Variants in SCN9A observed in about 807,000 individuals in gnomAD.
SCN9A encodes the protein sodium channel protein type 9 subunit alpha.
In SCN9A, 131 loss-of-function variants were observed where a neutral mutation model predicts 187.0. That is an observed-to-expected ratio of 0.70 (90% CI 0.61 to 0.81). SCN9A has a LOEUF of 0.81. SCN9A is among the 30% of genes least tolerant of loss of function. The pLI, the probability that SCN9A is intolerant of heterozygous loss-of-function variation, is 0.00. For synonymous variants in SCN9A, 809 were observed against 808.6 expected (o/e 1.00, Z -0.01); for missense variants, 2,252 against 2,396.6 (o/e 0.94, Z 1.26).
At chr2:166,278,628 G>T (rs1697343109) in intron 14 of SCN9A, among the ~76,000 whole-genome samples, 1 of 152,022 alleles carries the variant, frequency 6.6e-6, no homozygotes, top group Non-Finnish European at 1.5e-5. Context: ...TATTTTCAAA[G>T]AATTTATGTG....
intron 17 of SCN9A, chr2:166,259,097 A>C (rs376901014): frequency 3.2e-4 from 49 of 151,900 alleles, no homozygotes; most frequent in African/African-American, 1.1e-3. Flanking sequence ...TCTATTGAAC[A>C]ACTGTATATG....
chr2:166,342,073 A>G (rs187483230), intron 1 of SCN9A, among the ~76,000 whole-genome samples: 4 of 152,294 alleles, frequency 2.6e-5, no homozygotes, highest in East Asian at 1.9e-4. Context: ...TATGTATACT[A>G]TGTTGTTCCC....
chr2:166,208,771 TA>T (rs1205903905), intron 24 of SCN9A, among the ~76,000 whole-genome samples: 2 of 152,324 alleles, frequency 1.3e-5, no homozygotes, highest in African/African-American at 4.8e-5. Context: ...TTATTGAAGT[TA>T]AAAAGCAGTA....
chr2:166,206,029 G>C (rs1318633782), intron 24 of SCN9A, among the ~76,000 whole-genome samples: 1 of 152,180 alleles, frequency 6.6e-6, no homozygotes, highest in Non-Finnish European at 1.5e-5. Context: ...TGTTGGAGAG[G>C]ATGTGGAGAA....
intron 19 of SCN9A, among the ~76,000 whole-genome samples, chr2:166,240,327 G>A (rs755857558): frequency 4.8e-5 from 7 of 146,832 alleles, no homozygotes; most frequent in East Asian, 1.9e-4. Flanking sequence ...AGGTAAACAC[G>A]TGTCATGGGG....
chr2:166,294,474 A>G, intron 8 of SCN9A, 125 bp downstream of exon 8: 1 of 632,330 alleles, frequency 1.6e-6, no homozygotes, highest in Non-Finnish European at 2.7e-6. Context: ...GGACAGAATG[A>G]GTCAAATAAT....
chr2:166,280,510 C>G lies in SCN9A; in HGVS notation c.2190G>C (p.Trp730Cys), dbSNP rs202055175. Reference sequence around the variant, plus strand: ...AATAGATACACTTTTTGAATTTTATCCAATATGGAGAGCAATTCCAGATCA... The same window carrying G: ...AATAGATACACTTTTTGAATTTTATGCAATATGGAGAGCAATTCCAGATCA... ...KFLIWNCSPY[W>C]IKFKKCIYFI... The change falls in exon 14 of 27, where the codon TGG becomes TGC. Residue 730 changes from tryptophan to cysteine, a missense_variant. Trp to Cys is a radical substitution (Grantham distance 215). Around this residue, in one of 7 missense-constraint regions of SCN9A, gnomAD observed 1,013 missense variants for 997.4 expected, o/e 1.02. Transcript: ENST00000642356. 5.4e-4 allele frequency: 859 copies of G among 1,589,184 alleles called. 5 individuals carry two copies. In the African/African-American group the frequency reaches 0.01, roughly 19 times the overall value.
chr2:166,204,294 G>A, intron 25 of SCN9A, 66 bp downstream of exon 25: 3 of 1,554,372 alleles, frequency 1.9e-6, no homozygotes, highest in Non-Finnish European at 2.6e-6. Context: ...AATTAAAGAT[G>A]TGCATTAAAA....
intron 7 of SCN9A, among the ~76,000 whole-genome samples, chr2:166,297,206 A>C (rs1574890573): frequency 9.9e-6 from 1 of 101,490 alleles, no homozygotes; most frequent in East Asian, 4.5e-4. Flanking sequence ...CAAAAAAAAA[A>C]AAAAAAAAAA....
At chr2:166,307,278 C>A (rs1178891917) in intron 2 of SCN9A, among the ~76,000 whole-genome samples, 1 of 152,156 alleles carries the variant, frequency 6.6e-6, no homozygotes, top group African/African-American at 2.4e-5. Context: ...TTCATAGTAA[C>A]TTTAAAAATT....
intron 18 of SCN9A, among the ~76,000 whole-genome samples, chr2:166,251,300 TA>T (rs773764186): frequency 9.2e-5 from 14 of 152,182 alleles, no homozygotes; most frequent in African/African-American, 2.6e-4. Flanking sequence ...CTCAGAACTC[TA>T]AGACAAATAA....
intron 1 of SCN9A, among the ~76,000 whole-genome samples, chr2:166,342,654 G>T (rs1469047191): frequency 6.6e-6 from 1 of 150,946 alleles, no homozygotes; most frequent in East Asian, 2.0e-4. Flanking sequence ...GAATTTATAT[G>T]CTTGCTAAAT....
intron 19 of SCN9A, among the ~76,000 whole-genome samples, chr2:166,238,900 C>T (rs1017114104): frequency 2.0e-5 from 3 of 152,160 alleles, no homozygotes; most frequent in Non-Finnish European, 2.9e-5. Context: ...TCCATTAATG[C>T]GGTGCTTCCT....
chr2:166,242,429 AT>A, intron 19 of SCN9A, 72 bp downstream of exon 19: 1 of 1,297,826 alleles, frequency 7.7e-7, no homozygotes, highest in South Asian at 1.7e-5. Flanking sequence ...TTGCCATGAT[AT>A]TTTTATCTTT....
At chr2:166,365,405 G>A (rs1700390753) in intron 1 of SCN9A, among the ~76,000 whole-genome samples, 1 of 152,054 alleles carries the variant, frequency 6.6e-6, no homozygotes, top group Admixed American at 6.6e-5. Context: ...TGTCCAGAAA[G>A]AGATCCAGTT....
intron 24 of SCN9A, among the ~76,000 whole-genome samples, chr2:166,222,955 A>AAAAAAAAAAAAAAAAAAAAC (rs1694675021): frequency 7.9e-6 from 1 of 125,938 alleles, no homozygotes; most frequent in African/African-American, 3.1e-5. Context: ...CAAAAAAAAA[A>AAAAAAAAAAAAAAAAAAAAC]AAAAAAAAAA....
Position 166,199,537 on chromosome 2 carries a change from T to C in SCN9A, c.5102A>G (p.Asp1701Gly), listed in dbSNP as rs1693378627. The C allele has an allele frequency of 6.2e-7, 1 of 1,614,052 alleles. No homozygotes were observed. Among genetic ancestry groups the C allele is most frequent in the Non-Finnish European group, 8.5e-7 (1 of 1,180,036 alleles). ...LFQITTSAGW[D>G]GLLAPILNSK... ...GTTAAGAATAGGTGCTAGCAATCCA[T>C]CCCAGCCAGCAGAGGTTGTAATTTG... The change falls in exon 27 of 27, where the codon GAT (aspartate) becomes GGT (glycine). Residue 1701 changes from aspartate (D) to glycine (G), a missense_variant. Transcript: ENST00000642356.
At chr2:166,279,237 G>C (rs1004751046) in intron 14 of SCN9A, among the ~76,000 whole-genome samples, 3 of 152,082 alleles carry the variant, frequency 2.0e-5, no homozygotes, top group African/African-American at 7.2e-5. Context: ...CGAGCACATG[G>C]GGAAAAACAT....
chr2:166,342,362 C>T (rs1699806951), intron 1 of SCN9A, among the ~76,000 whole-genome samples: 1 of 152,114 alleles, frequency 6.6e-6, no homozygotes, highest in South Asian at 2.1e-4. Flanking sequence ...AGTCATGACC[C>T]CTTCAATGTG....
Sources: gnomAD v4.1 joint callset for allele counts (sites outside exome capture counted in the v4.1 genomes callset) on GRCh38, gnomAD v4.1.1 for gene constraint, gnomAD v4.1.1 regional missense constraint, MANE v1.5 for transcripts, NCBI Gene and HGNC (gene_info 2026-07-23, HGNC 2026-07-21) for gene names.